SLC5A2: variants seen among roughly 807,000 people sequenced by gnomAD.
The protein encoded by SLC5A2 is solute carrier family 5 member 2.
Under a neutral mutation model 69.0 loss-of-function variants are expected in SLC5A2, and 67 were observed. That is an observed-to-expected ratio of 0.97 (90% CI 0.80 to 1.19). The LOEUF is 1.19. Ranked by LOEUF, SLC5A2 falls within the 50% of genes most tolerant of loss-of-function variation. The pLI is 0.00. For missense variants in SLC5A2, 1,001 were observed against 921.5 expected, an observed-to-expected ratio of 1.09 and a Z score of -1.12; for synonymous variants, 455 against 395.8, an observed-to-expected ratio of 1.15 and a Z score of -1.78.
intron 7 of SLC5A2, 33 bp from the exon 8 acceptor site, chr16:31,488,005 C>T (rs1456645913): frequency 1.2e-6 from 2 of 1,608,962 alleles, no homozygotes; most frequent in South Asian, 1.1e-5. Flanking sequence ...GAGGGGAGGC[C>T]CGCAAGCGGG....
At chr16:31,485,166 G>A in intron 3 of SLC5A2, 2 of 613,024 alleles carry the variant, frequency 3.3e-6, no homozygotes, top group Non-Finnish European at 5.9e-6. Context: ...CACTGCCTCT[G>A]GGAGCTTCCA....
At chr16:31,487,880 C>G (rs2082511736) in intron 7 of SLC5A2, 121 bp downstream of exon 7, 1 of 1,395,104 alleles carries the variant, frequency 7.2e-7, no homozygotes, top group Non-Finnish European at 9.7e-7. Context: ...GGGAACCCCT[C>G]GGGTTGGTGC....
At position 31,490,207 on chromosome 16, in the gene SLC5A2, CAG is replaced by C. The variant is rs778201008; in HGVS notation, c.1774_1775del (p.Ser592CysfsTer6). On this transcript the variant is annotated frameshift_variant, in exon 13 of 14. Transcript: ENST00000330498. LOFTEE classifies it high-confidence loss of function. Reference sequence around the variant, plus strand: ...TCACTCCCTGTACAGAATGGGTGCCCAGAGAGTGCCATGGAGATGAATGGTAG... The same window carrying C: ...TCACTCCCTGTACAGAATGGGTGCCCAGAGTGCCATGGAGATGAATGGTAG... 11 of 1,614,158 alleles carry C rather than the reference CAG, an allele frequency of 6.8e-6. No homozygotes were observed. The highest frequency in any genetic ancestry group is 1.3e-5 in the African/African-American group (1 of 75,058).
chr16:31,488,172 A>C lies in SLC5A2; in HGVS notation c.1020A>C (p.Pro340=). ...MPGMISRILY[P]DEVACVVPEV... is the part of the protein sequence containing the mutation. The stretch of plus-strand genomic sequence containing the variant: ...GCATGATCAGCCGCATTCTGTACCC[A>C]GGTAACATCCCTGCCCCGCCCCTTT... The change falls in exon 8 of 14, where the codon CCA becomes CCC. Residue 340 remains proline (P), a splice_region_variant and synonymous_variant. Transcript: ENST00000330498. The C allele has an allele frequency of 6.2e-7, 1 of 1,613,994 alleles. No homozygotes were observed. Among genetic ancestry groups the C allele is most frequent in the Non-Finnish European group, 8.5e-7 (1 of 1,179,952 alleles).
rs376194734 is a variant in SLC5A2 at position 31,489,052 on chromosome 16, A to G, written c.1449+4A>G. On this transcript the variant is annotated splice_donor_region_variant and intron_variant, in intron 11 of 13. Coordinates refer to ENST00000330498, the MANE Select transcript of SLC5A2 (RefSeq NM_003041.4). ...CGTGCCGCGCGTTAATGAGCAGGTG[A>G]GCGGCACGCGCGTGGTGACGGCAGG... The G allele has an allele frequency of 3.1e-6, 5 of 1,601,362 alleles. No individual in the cohort carries two copies. The highest frequency in any genetic ancestry group is 4.2e-6 in the Non-Finnish European group (5 of 1,179,858).
In SLC5A2 at chr16:31,490,182, T is replaced by TC; in HGVS notation, c.1745dup (p.Leu583ThrfsTer16). Reference sequence around the variant, plus strand: ...GGATGCTGATGAGCAGCAAGGCTCCTCACTCCCTGTACAGAATGGGTGCCC... The same window carrying TC: ...GGATGCTGATGAGCAGCAAGGCTCCTCCACTCCCTGTACAGAATGGGTGCCC... On this transcript the variant is annotated frameshift_variant, in exon 13 of 14. Transcript: ENST00000330498. LOFTEE classifies it high-confidence loss of function. 1.2e-6 allele frequency: 2 copies of TC among 1,614,164 alleles called. No individual in the cohort carries two copies. Among genetic ancestry groups the TC allele is most frequent in the Non-Finnish European group, 1.7e-6 (2 of 1,180,020 alleles).
intron 5 of SLC5A2, 42 bp from the exon 6 acceptor site, chr16:31,487,278 A>G (rs751808285): frequency 1.3e-6 from 2 of 1,596,168 alleles, no homozygotes; most frequent in Non-Finnish European, 1.7e-6. Context: ...CCAGCCTGTA[A>G]CATAAACAGC....
At chr16:31,488,306 T>G in intron 8 of SLC5A2, 77 bp from the exon 9 acceptor site, 2 of 1,599,882 alleles carry the variant, frequency 1.3e-6, no homozygotes, top group Non-Finnish European at 1.7e-6. Flanking sequence ...CCTCCTCTGC[T>G]AGGATTCCCA....
At chr16:31,485,217 G>T in intron 3 of SLC5A2, 1 of 549,640 alleles carries the variant, frequency 1.8e-6, no homozygotes, top group Non-Finnish European at 3.3e-6. Context: ...TCAAAGCCAG[G>T]GAAGCACCTG....
chr16:31,489,396 C>A, intron 12 of SLC5A2, 58 bp downstream of exon 12: 1 of 1,488,458 alleles, frequency 6.7e-7, no homozygotes, highest in Non-Finnish European at 9.2e-7. Flanking sequence ...CCCTCTGCTT[C>A]CTGGAGTGCC....
chr16:31,483,826 A>T (rs1460513078), intron 1 of SLC5A2, among the ~76,000 whole-genome samples: 1 of 152,012 alleles, frequency 6.6e-6, no homozygotes, highest in African/African-American at 2.4e-5. Flanking sequence ...GGCTCAAGCA[A>T]TCCTTCTGCC....
chr16:31,486,362 A>G lies in SLC5A2; in HGVS notation c.574+87A>G. On this transcript the variant is annotated intron_variant, in intron 5 of 13. Coordinates refer to ENST00000330498, the MANE Select transcript of SLC5A2 (RefSeq NM_003041.4). ...GTTTAGGGAGCTGCCAGAGGAAAGC[A>G]AGCTGGAGAGGTCTGGAAGGGTGGT... The G allele has an allele frequency of 5.1e-6, 5 of 989,160 alleles. No homozygotes were observed. In the East Asian group the frequency reaches 1.2e-4, roughly 24 times the overall value. 61.3% of individuals were successfully genotyped at this position (989,160 alleles called of 1,614,324 possible).
intron 7 of SLC5A2, 48 bp from the exon 8 acceptor site, chr16:31,487,990 G>T: frequency 1.2e-6 from 2 of 1,605,284 alleles, no homozygotes; most frequent in Non-Finnish European, 1.7e-6. Flanking sequence ...GCGCGGGGCG[G>T]GGCCGAGGGG....
Position 31,485,858 on chromosome 16 carries a change from C to G in SLC5A2, c.433C>G (p.Leu145Val), listed in dbSNP as rs1330194327. Residue 145 changes from leucine (L) to valine (V), a missense_variant, in exon 4 of 14, where the codon CTC (leucine) becomes GTC (valine). Coordinates refer to ENST00000330498, the MANE Select transcript of SLC5A2 (RefSeq NM_003041.4). ...GRRIRLYLSV[L>V]SLFLYIFTKI... ...CCGCATCCGCCTCTACCTGTCTGTG[C>G]TCTCCCTTTTCCTGTACATCTTCAC... The G allele has an allele frequency of 6.2e-7, 1 of 1,613,524 alleles. No individual in the cohort carries two copies. Among genetic ancestry groups the G allele is most frequent in the Non-Finnish European group, 8.5e-7 (1 of 1,180,046 alleles).
Position 31,489,006 on chromosome 16 carries a change from C to A in SLC5A2, c.1407C>A (p.Ala469=), listed in dbSNP as rs146854626. The change falls in exon 11 of 14, where the codon GCC becomes GCA. Residue 469 remains alanine, a synonymous_variant. Coordinates refer to ENST00000330498, the MANE Select transcript of SLC5A2 (RefSeq NM_003041.4). ...VSSYLAPPVS[A]VFVLALFVPR... is the part of the protein sequence containing the mutation. ...GCTACCTGGCACCGCCCGTGTCCGCCGTCTTCGTGCTGGCGCTCTTCGTGC... is the reference window on the plus strand; with the variant it reads ...GCTACCTGGCACCGCCCGTGTCCGCAGTCTTCGTGCTGGCGCTCTTCGTGC... The A allele has an allele frequency of 4.4e-6, 7 of 1,600,542 alleles. No homozygotes were observed. The South Asian group carries it at 7.7e-5, about 18-fold the overall frequency.
At position 31,483,131 on chromosome 16, in the gene SLC5A2, G is replaced by A. The variant is rs201535163; in HGVS notation, c.-6G>A. 5 of 1,613,932 alleles carry A rather than the reference G, an allele frequency of 3.1e-6. No individual in the cohort carries two copies. In the African/African-American group the frequency reaches 5.3e-5, roughly 17 times the overall value. On this transcript the variant is annotated 5_prime_UTR_variant, in exon 1 of 14. Coordinates refer to ENST00000330498, the MANE Select transcript of SLC5A2 (RefSeq NM_003041.4). ...TGGTTCCTGGATGGGGCAGATCCTGGGGAGAATGGAGGAGCACACAGAGGC... is the reference window on the plus strand; with the variant it reads ...TGGTTCCTGGATGGGGCAGATCCTGAGGAGAATGGAGGAGCACACAGAGGC...
rs749009739 is a variant in SLC5A2, at chr16:31,489,092, T to C, written c.1450-31T>C. The C allele has an allele frequency of 7.5e-6, 12 of 1,604,462 alleles. No individual in the cohort carries two copies. In the South Asian group the frequency reaches 1.3e-4, roughly 18 times the overall value. On this transcript the variant is annotated intron_variant, in intron 11 of 13. Transcript: ENST00000330498. Reference sequence around the variant, plus strand: ...GTGACGGCAGGGCTGGGCTTGCACATCCTCAGCAGGCTGACCTGTTTCCTT... The same window carrying C: ...GTGACGGCAGGGCTGGGCTTGCACACCCTCAGCAGGCTGACCTGTTTCCTT...
intron 5 of SLC5A2, 32 bp downstream of exon 5, chr16:31,486,307 C>A (rs773820219): frequency 1.4e-5 from 21 of 1,515,876 alleles, no homozygotes; most frequent in African/African-American, 4.1e-5. Flanking sequence ...AGGGAGTGGG[C>A]CTGGGACACT....
intron 12 of SLC5A2, 197 bp from the exon 13 acceptor site, chr16:31,489,907 C>T: frequency 1.5e-6 from 1 of 683,952 alleles, no homozygotes; most frequent in Admixed American, 2.3e-5. Flanking sequence ...TAAACACAAG[C>T]TCAGGGGCTT....
Sources: gnomAD v4.1 joint callset for allele counts (sites outside exome capture counted in the v4.1 genomes callset) on GRCh38, gnomAD v4.1.1 for gene constraint, MANE v1.5 for transcripts, NCBI Gene and HGNC (gene_info 2026-07-23, HGNC 2026-07-21) for gene names.